Variants in CSMD3 observed in about 807,000 individuals in gnomAD.
The protein encoded by CSMD3 is CUB and Sushi multiple domains 3.
Under a neutral mutation model 435.2 loss-of-function variants are expected in CSMD3, and 177 were observed. That is an observed-to-expected ratio of 0.41 (90% CI 0.36 to 0.46). The LOEUF is 0.46. Among genes scored for constraint, CSMD3 ranks in the 20% least tolerant of loss-of-function variants. The pLI is 0.34. For synonymous variants in CSMD3, 1,656 were observed against 1,520.5 expected (o/e 1.09, Z -2.07); for missense variants, 4,265 against 4,504.6 (o/e 0.95, Z 1.52).
intron 6 of CSMD3, among the ~76,000 whole-genome samples, chr8:112,995,334 G>T (rs953236219): frequency 6.6e-6 from 1 of 151,298 alleles, no homozygotes; most frequent in African/African-American, 2.4e-5. Context: ...ATTTAGTTTT[G>T]GTATAATAAT....
chr8:112,688,698 A>G (rs1396183422), intron 14 of CSMD3, among the ~76,000 whole-genome samples: 2 of 151,990 alleles, frequency 1.3e-5, no homozygotes, highest in African/African-American at 4.8e-5. Context: ...ATTCTCTTTT[A>G]AATGTATTTC....
chr8:112,984,452 C>A (rs1017142790), intron 6 of CSMD3, among the ~76,000 whole-genome samples: 1 of 151,990 alleles, frequency 6.6e-6, no homozygotes, highest in African/African-American at 2.4e-5. Context: ...ACTATCTGAT[C>A]AATAAAATCT....
intron 13 of CSMD3, among the ~76,000 whole-genome samples, chr8:112,750,577 A>G (rs2077545616): frequency 6.6e-6 from 1 of 152,090 alleles, no homozygotes; most frequent in Non-Finnish European, 1.5e-5. Flanking sequence ...AGATAAGTAT[A>G]TATGCAAGTT....
intron 13 of CSMD3, among the ~76,000 whole-genome samples, chr8:112,691,555 G>C (rs533949595): frequency 1.8e-4 from 28 of 152,006 alleles, no homozygotes; most frequent in Admixed American, 1.7e-3. Flanking sequence ...GCCAATATTG[G>C]CAACTTATAA....
chr8:112,473,499 C>A (rs970227290), intron 31 of CSMD3, among the ~76,000 whole-genome samples: 1 of 151,952 alleles, frequency 6.6e-6, no homozygotes, highest in Non-Finnish European at 1.5e-5. Context: ...AGAGGAGGTT[C>A]TAGGAGACAC....
chr8:113,263,323 C>T (rs1323953282), intron 3 of CSMD3, among the ~76,000 whole-genome samples: 1 of 151,782 alleles, frequency 6.6e-6, no homozygotes, highest in Admixed American at 6.6e-5. Context: ...TTGGAAATAC[C>T]ATCATTACTG....
intron 40 of CSMD3, 55 bp downstream of exon 40, chr8:112,351,120 C>CTT: frequency 1.9e-6 from 2 of 1,054,074 alleles, no homozygotes; most frequent in Non-Finnish European, 2.9e-6. Flanking sequence ...ACTTTATAGT[C>CTT]TTTTTTTTTA....
chr8:113,101,980 T>C (rs1411357421), intron 4 of CSMD3, among the ~76,000 whole-genome samples: 1 of 152,008 alleles, frequency 6.6e-6, no homozygotes, highest in African/African-American at 2.4e-5. Context: ...ACTACCTAAG[T>C]CAATTTAAAA....
rs767013968 is a variant in CSMD3, at chr8:113,134,433, C to T, written c.710-35470G>A. ...GATTTCAGATGAGATCAATGCTCAT[C>T]TCATTGCATCACACAGTATTCACAA... On this transcript the variant is annotated intron_variant, in intron 4 of 70. Coordinates refer to ENST00000297405, the MANE Select transcript of CSMD3 (RefSeq NM_198123.2). Among the ~76,000 whole-genome samples the T allele has an allele frequency of 6.6e-5, 10 of 152,112 alleles. No individual in the cohort carries two copies. In the South Asian group the frequency reaches 1.5e-3, roughly 22 times the overall value.
chr8:112,958,715 A>G (rs1208933124), intron 7 of CSMD3, among the ~76,000 whole-genome samples: 1 of 152,228 alleles, frequency 6.6e-6, no homozygotes, highest in Admixed American at 6.5e-5. Flanking sequence ...ATATTCACGC[A>G]TATAAATCAT....
intron 57 of CSMD3, among the ~76,000 whole-genome samples, chr8:112,288,751 C>A (rs1819475047): frequency 6.6e-6 from 1 of 151,588 alleles, no homozygotes. Context: ...AAAGATTTAC[C>A]AAATACTTAC....
chr8:113,040,421 G>A (rs1300127783), intron 5 of CSMD3, among the ~76,000 whole-genome samples: 1 of 152,192 alleles, frequency 6.6e-6, no homozygotes, highest in Non-Finnish European at 1.5e-5. Context: ...CTGATGTGTT[G>A]AACAGAGTAG....
Position 113,020,274 on chromosome 8 carries a change from T to C in CSMD3, c.918-1095A>G, listed in dbSNP as rs2086641861. 2.6e-5 allele frequency among the ~76,000 whole-genome samples: 4 copies of C among 151,914 alleles called. No individual in the cohort carries two copies. In the South Asian group the frequency reaches 8.3e-4, roughly 32 times the overall value. ...ATTGTATATATCCAAACAAATATAG[T>C]TGGATATGTAGTCTTCACATATTTG... is the stretch of plus-strand genomic sequence containing the variant. On this transcript the variant is annotated intron_variant, in intron 5 of 70. Coordinates refer to ENST00000297405, the MANE Select transcript of CSMD3 (RefSeq NM_198123.2).
intron 5 of CSMD3, among the ~76,000 whole-genome samples, chr8:113,053,020 T>C (rs1179320924): frequency 6.6e-6 from 1 of 152,170 alleles, no homozygotes; most frequent in African/African-American, 2.4e-5. Flanking sequence ...CTTCTGATAA[T>C]GTATCAATAA....
In CSMD3 at chr8:112,954,421, A is replaced by T. The variant is rs142987090; in HGVS notation, c.1420+263T>A. 8.6e-4 allele frequency among the ~76,000 whole-genome samples: 130 copies of T among 151,736 alleles called. 3 individuals carry two copies. In the East Asian group the frequency reaches 9.6e-3, roughly 11 times the overall value. On this transcript the variant is annotated intron_variant, in intron 8 of 70. Coordinates refer to ENST00000297405, the MANE Select transcript of CSMD3 (RefSeq NM_198123.2). Reference sequence around the variant, plus strand: ...AACTTGAGTGTCCTCAAGACTTAAGATCAAAAGAATATTTTTACATCTTGA... The same window carrying T: ...AACTTGAGTGTCCTCAAGACTTAAGTTCAAAAGAATATTTTTACATCTTGA...
At position 112,387,923 on chromosome 8, in the gene CSMD3, C is replaced by G. The variant is rs552468685; in HGVS notation, c.5934+2741G>C. ...CCAAGCACTGTGCAGCATGTACTTC[C>G]ACTGTACTAGTTGTCAGAATGGACT... On this transcript the variant is annotated intron_variant, in intron 36 of 70. Coordinates refer to ENST00000297405, the MANE Select transcript of CSMD3 (RefSeq NM_198123.2). 6.6e-5 allele frequency among the ~76,000 whole-genome samples: 10 copies of G among 152,266 alleles called. No individual in the cohort carries two copies. The South Asian group carries it at 1.9e-3, about 28-fold the overall frequency.
intron 32 of CSMD3, 97 bp from the exon 33 acceptor site, chr8:112,409,129 A>C: frequency 9.7e-6 from 15 of 1,546,978 alleles, no homozygotes; most frequent in Non-Finnish European, 1.2e-5. Flanking sequence ...AGAGAGAACA[A>C]AGTATTACAA....
intron 13 of CSMD3, among the ~76,000 whole-genome samples, chr8:112,708,160 T>C (rs376309596): frequency 6.6e-6 from 1 of 151,452 alleles, no homozygotes; most frequent in African/African-American, 2.4e-5. Context: ...GGAGACTGAT[T>C]CAAGGAAGTT....
intron 22 of CSMD3, among the ~76,000 whole-genome samples, chr8:112,621,176 G>A (rs371188226): frequency 3.9e-4 from 59 of 151,926 alleles, no homozygotes; most frequent in Middle Eastern, 3.4e-3. Flanking sequence ...TGGAGGTTGC[G>A]GTGAGCTGAG....
Sources: gnomAD v4.1 joint callset for allele counts (sites outside exome capture counted in the v4.1 genomes callset) on GRCh38, gnomAD v4.1.1 for gene constraint, MANE v1.5 for transcripts, NCBI Gene and HGNC (gene_info 2026-07-23, HGNC 2026-07-21) for gene names.